The following FGFR1 variants were observed in gnomAD, a reference collection of about 807,000 sequenced individuals.
FGFR1 encodes the protein fibroblast growth factor receptor 1.
A neutral mutation model predicts 93.7 loss-of-function variants in FGFR1; 18 were observed. That is an observed-to-expected ratio of 0.19 (90% CI 0.13 to 0.28). The LOEUF (loss-of-function observed/expected upper bound fraction) is 0.28. Among genes scored for constraint, FGFR1 ranks in the 10% least tolerant of loss-of-function variants. The pLI is 1.00. For missense variants in FGFR1, 731 were observed against 1,080.4 expected, an observed-to-expected ratio of 0.68 and a Z score of 4.53; for synonymous variants, 448 against 429.3, an observed-to-expected ratio of 1.04 and a Z score of -0.54.
At chr8:38,441,342 C>T (rs925557488) in intron 2 of FGFR1, among the ~76,000 whole-genome samples, 1 of 152,194 alleles carries the variant, frequency 6.6e-6, no homozygotes, top group Non-Finnish European at 1.5e-5. Context: ...TCCCCCACCT[C>T]CTCCCTACCT....
intron 1 of FGFR1, among the ~76,000 whole-genome samples, chr8:38,464,407 G>A (rs1037978178): frequency 6.6e-6 from 1 of 151,450 alleles, no homozygotes; most frequent in African/African-American, 2.4e-5. Context: ...TGTACTATGA[G>A]TGGAACCCCA....
At position 38,462,116 on chromosome 8, in the gene FGFR1, T is replaced by G. The variant is rs145427744; in HGVS notation, c.-88-4582A>C. Among the ~76,000 whole-genome samples the G allele has an allele frequency of 2.9e-3, 441 of 152,306 alleles. 6 individuals carry two copies. The highest frequency in any genetic ancestry group is 9.9e-3 in the African/African-American group (410 of 41,548). On this transcript the variant is annotated intron_variant, in intron 1 of 17. Transcript: ENST00000447712. ...CTTGTTATGAAAAAAATGTAAAGTA[T>G]CTCATCAATAATTTCTATATTGATT...
chr8:38,444,503 C>T lies in FGFR1; in HGVS notation c.91+12853G>A, dbSNP rs977070740. Among the ~76,000 whole-genome samples, 7 of 151,820 alleles carry T rather than the reference C, an allele frequency of 4.6e-5. No individual in the cohort carries two copies. In the South Asian group the frequency reaches 1.0e-3, roughly 22 times the overall value. ...TCCCTGGCTCAAGTGATCCCCCCAC[C>T]TCAGCCCCCCAAGCAGCTGGGAGTA... On this transcript the variant is annotated intron_variant, in intron 2 of 17. Coordinates refer to ENST00000447712, the MANE Select transcript of FGFR1 (RefSeq NM_023110.3).
Position 38,428,025 on chromosome 8 carries a change from T to C in FGFR1, c.517A>G (p.Thr173Ala), listed in dbSNP as rs2150915771. The change falls in exon 5 of 18, where the codon ACA becomes GCA. Residue 173 changes from threonine (T) to alanine (A), a missense_variant. Physicochemically the swap from Thr to Ala is moderately conservative, Grantham distance 58 (BLOSUM62 0). This residue lies in a region of FGFR1 where 109 missense variants were observed against 249.4 expected (regional missense o/e 0.44). Coordinates refer to ENST00000447712, the MANE Select transcript of FGFR1 (RefSeq NM_023110.3). Reference protein sequence around the residue: ...KKLHAVPAAKTVKFKCPSSGT... With the variant: ...KKLHAVPAAKAVKFKCPSSGT... The stretch of plus-strand genomic sequence containing the variant: ...CTGGAAGGGCATTTGAACTTCACTG[T>C]CTTGGCAGCCGGCACTGCATGCAAT... 1.2e-6 allele frequency: 2 copies of C among 1,614,266 alleles called. No individual in the cohort carries two copies. Among genetic ancestry groups the C allele is most frequent in the South Asian group, 2.2e-5 (2 of 91,084 alleles).
In FGFR1 at chr8:38,426,056, G is replaced by A. The variant is rs533045267; in HGVS notation, c.745+66C>T. Reference sequence around the variant, plus strand: ...TGCCCCTAAGAAACCTGGACACCCCGGCTGTGTTCTCCAAGCCTGGCTCTT... The same window carrying A: ...TGCCCCTAAGAAACCTGGACACCCCAGCTGTGTTCTCCAAGCCTGGCTCTT... On this transcript the variant is annotated intron_variant, in intron 6 of 17. Transcript: ENST00000447712. This position sits in a 1 kb window ranked among gnomAD's most constrained non-coding sequence, Gnocchi z 4.1. The A allele has an allele frequency of 4.3e-6, 7 of 1,610,646 alleles. No homozygotes were observed. Among genetic ancestry groups the A allele is most frequent in the East Asian group, 2.2e-5 (1 of 44,868 alleles).
At chr8:38,445,808 T>C (rs1407426906) in intron 2 of FGFR1, among the ~76,000 whole-genome samples, 2 of 151,988 alleles carry the variant, frequency 1.3e-5, no homozygotes, top group African/African-American at 4.8e-5. Flanking sequence ...CCCAAAATGC[T>C]GGGATTACAG....
chr8:38,416,448 A>ATTTTTTTTTTT (rs57944426), intron 12 of FGFR1, among the ~76,000 whole-genome samples: 1 of 80,936 alleles, frequency 1.2e-5, no homozygotes, highest in African/African-American at 5.2e-5. Flanking sequence ...TGCCTGGCTA[A>ATTTTTTTTTTT]TTTTTTTTTT....
intron 2 of FGFR1, among the ~76,000 whole-genome samples, chr8:38,448,278 ATTTT>A (rs200939148): frequency 1.5e-5 from 2 of 136,344 alleles, no homozygotes. Flanking sequence ...CAAAACACCA[ATTTT>A]TTTTTTTTTT....
At position 38,419,769 on chromosome 8, in the gene FGFR1, G is replaced by A. The variant is rs927313639; in HGVS notation, c.1082-34C>T. 6.3e-6 allele frequency: 10 copies of A among 1,596,262 alleles called. No individual in the cohort carries two copies. The African/African-American group carries it at 1.2e-4, about 19-fold the overall frequency. On this transcript the variant is annotated intron_variant, in intron 8 of 17. Transcript: ENST00000447712. The stretch of plus-strand genomic sequence containing the variant: ...GTGCGAACAGGGTGTTAGCAGGCTT[G>A]GAGGGCCCCGTCCATGCGAGGTCCC...
chr8:38,415,838 G>A (rs756048106), intron 13 of FGFR1, 32 bp downstream of exon 13: 1 of 1,606,904 alleles, frequency 6.2e-7, no homozygotes, highest in Non-Finnish European at 8.5e-7. Context: ...TCCCACCCTG[G>A]CATTACCCAG....
intron 1 of FGFR1, among the ~76,000 whole-genome samples, chr8:38,465,230 C>A (rs550120039): frequency 6.6e-6 from 1 of 152,220 alleles, no homozygotes; most frequent in South Asian, 2.1e-4. Context: ...CCTCCATGGC[C>A]AGAGGCCAAG....
intron 2 of FGFR1, among the ~76,000 whole-genome samples, chr8:38,443,753 C>T (rs985467677): frequency 6.6e-6 from 1 of 151,166 alleles, no homozygotes; most frequent in Non-Finnish European, 1.5e-5. Context: ...TATTTTACCA[C>T]AACAAAAGAA....
chr8:38,465,570 A>G (rs1835311851), intron 1 of FGFR1: 1 of 226,866 alleles, frequency 4.4e-6, no homozygotes, highest in Admixed American at 5.7e-5. Flanking sequence ...CTCCTAACCC[A>G]CTGGGGGTAG....
Position 38,426,008 on chromosome 8 carries a change from A to C in FGFR1, c.745+114T>G. The C allele has an allele frequency of 7.0e-7, 1 of 1,426,436 alleles. No homozygotes were observed. The highest frequency in any genetic ancestry group is 9.8e-7 in the Non-Finnish European group (1 of 1,016,834). 88.4% of individuals were successfully genotyped at this position (1,426,436 alleles called of 1,614,324 possible). A position where few individuals can be genotyped will look rare whatever the true frequency, so the allele number is the denominator to read the frequency against. The stretch of plus-strand genomic sequence containing the variant: ...CCTGCTCAAGGTGACAAAGCCAAGA[A>C]GTGCCAATCGCTATCCTGACTCTGC... On this transcript the variant is annotated intron_variant, in intron 6 of 17. Transcript: ENST00000447712. The surrounding 1 kb of genome is among the most constrained non-coding windows in gnomAD (Gnocchi z 4.1).
In FGFR1 at chr8:38,429,893, G is replaced by A. The variant is rs1381400802; in HGVS notation, c.147C>T (p.Asp49=). ...GCAGCCGACAGCGAAGCTGCAGCAG[G>A]TCACCGGGGTGGACCAGGAAGGACT... ...EVESFLVHPG[D]LLQLRCRLRD... The change falls in exon 3 of 18, where the codon GAC becomes GAT. Residue 49 remains aspartate (D), a synonymous_variant. Transcript: ENST00000447712. The surrounding 1 kb of genome is among the most constrained non-coding windows in gnomAD (Gnocchi z 4.4). 1 of 1,613,826 alleles carries A rather than the reference G, an allele frequency of 6.2e-7. No individual in the cohort carries two copies. The highest frequency in any genetic ancestry group is 1.3e-5 in the African/African-American group (1 of 74,932).
intron 2 of FGFR1, among the ~76,000 whole-genome samples, chr8:38,431,822 C>T (rs1304858405): frequency 6.6e-6 from 1 of 152,160 alleles, no homozygotes; most frequent in Non-Finnish European, 1.5e-5. Context: ...GTGAGTAGAC[C>T]ACACAACTGA....
intron 10 of FGFR1, 55 bp downstream of exon 10, chr8:38,418,172 AC>A (rs1817406020): frequency 6.2e-7 from 1 of 1,612,970 alleles, no homozygotes; most frequent in African/African-American, 1.3e-5. Flanking sequence ...ACCTTCCACC[AC>A]TAGAATAGCA....
chr8:38,429,497 C>T lies in FGFR1; in HGVS notation c.358+185G>A. 1 of 751,790 alleles carries T rather than the reference C, an allele frequency of 1.3e-6. No homozygotes were observed. The allele number at this position is 751,790 out of a possible 1,614,324, so 46.6% of individuals were successfully genotyped here. ...ATCTCCGGCCCTGGGGCCCACCCCACCTAGTCACCTCTCTGAGAGCCAAGC... is the reference window on the plus strand; with the variant it reads ...ATCTCCGGCCCTGGGGCCCACCCCATCTAGTCACCTCTCTGAGAGCCAAGC... On this transcript the variant is annotated intron_variant, in intron 3 of 17. Transcript: ENST00000447712. The surrounding 1 kb of genome is among the most constrained non-coding windows in gnomAD (Gnocchi z 4.4).
chr8:38,425,851 C>T (rs150198214), intron 6 of FGFR1: 1 of 503,046 alleles, frequency 2.0e-6, no homozygotes, highest in Non-Finnish European at 3.6e-6. Flanking sequence ...ACCTCTCCAA[C>T]AACGCCTCCT....
Sources: allele counts gnomAD v4.1 joint callset (sites outside exome capture counted in the v4.1 genomes callset), GRCh38; gene constraint gnomAD v4.1.1; regional missense constraint gnomAD v4.1.1; non-coding constraint Gnocchi (gnomAD v3.1); transcripts MANE v1.5; gene names NCBI Gene and HGNC (gene_info 2026-07-23, HGNC 2026-07-21).